Variants in MYO1H observed in about 807,000 individuals in gnomAD.
MYO1H encodes unconventional myosin-Ih.
A neutral mutation model predicts 149.3 loss-of-function variants in MYO1H; 118 were observed. The ratio of observed to expected loss-of-function variants is 0.79; its 90% CI spans 0.68 to 0.92. MYO1H has a LOEUF of 0.92. MYO1H is among the 40% of genes least tolerant of loss of function. The probability of loss-of-function intolerance (pLI) is 0.00; values close to 1 mark genes in which losing one functional copy is unlikely to be tolerated. For missense variants in MYO1H, 1,212 were observed against 1,280.7 expected (o/e 0.95, Z 0.82); for synonymous variants, 447 against 465.2 (o/e 0.96, Z 0.50).
the MYO1H span, among the ~76,000 whole-genome samples, chr12:109,314,502 C>G: frequency 1.3e-5 from 2 of 152,180 alleles, no homozygotes; most frequent in Non-Finnish European, 2.9e-5. Context: ...CAGGCTCTTT[C>G]AATAGGGTGA....
intron 1 of MYO1H, among the ~76,000 whole-genome samples, chr12:109,361,407 C>A (rs11066394): frequency 0.3 from 46,254 of 151,786 alleles, 7,304 homozygotes; most frequent in Admixed American, 0.41. Context: ...GAGGACTTAC[C>A]CCCCAAAAAA....
intron 15 of MYO1H, among the ~76,000 whole-genome samples, chr12:109,416,171 C>G (rs1870898839): frequency 1.3e-5 from 2 of 152,042 alleles, no homozygotes; most frequent in African/African-American, 4.8e-5. Context: ...TGAGGCCCAC[C>G]TCAGCCTCCC....
exon 5 of MYO1H, chr12:109,397,753 C>A: frequency 6.2e-7 from 1 of 1,612,238 alleles, no homozygotes. Context: ...TGCCAGAACG[C>A]TCCGGAATGA....
At chr12:109,415,201 G>A (rs143175053) in intron 14 of MYO1H, among the ~76,000 whole-genome samples, 2 of 152,238 alleles carry the variant, frequency 1.3e-5, no homozygotes, top group African/African-American at 4.8e-5. Flanking sequence ...CATGGGCCAG[G>A]CACGGTGGCT....
chr12:109,323,687 A>G, the MYO1H span, among the ~76,000 whole-genome samples: 2 of 152,208 alleles, frequency 1.3e-5, no homozygotes, highest in African/African-American at 4.8e-5. Context: ...TTGACAGTTC[A>G]GCATGCCTGG....
At chr12:109,388,318 G>A (rs1273235811) in intron 1 of MYO1H, among the ~76,000 whole-genome samples, 4 of 152,190 alleles carry the variant, frequency 2.6e-5, no homozygotes, top group Admixed American at 1.3e-4. Context: ...TTCTGGCTGC[G>A]TCTTTTGGCA....
At position 109,444,169 on chromosome 12, in the gene MYO1H, C is replaced by A; in HGVS notation, c.2825-44C>A. 2.7e-6 allele frequency: 4 copies of A among 1,462,598 alleles called. No individual in the cohort carries two copies. In the South Asian group the frequency reaches 4.6e-5, roughly 17 times the overall value. 90.6% of individuals were successfully genotyped at this position (1,462,598 alleles called of 1,614,324 possible). On this transcript the variant is annotated intron_variant, in intron 28 of 31. Coordinates refer to ENST00000310903, the Ensembl canonical transcript of MYO1H. ...ATCTCTTCTTCCTCTGTACTAATGT[C>A]AAGCTCTCTAGTTCTTGGCTCCTAA... is the stretch of plus-strand genomic sequence containing the variant.
the MYO1H span, among the ~76,000 whole-genome samples, chr12:109,342,359 G>A: frequency 6.6e-6 from 1 of 151,906 alleles, no homozygotes; most frequent in African/African-American, 2.4e-5. Flanking sequence ...TGTCCAGGCT[G>A]GTCTTGAACT....
Position 109,379,056 on chromosome 12 carries a change from G to A in MYO1H, c.13-9627G>A, listed in dbSNP as rs549973880. Among the ~76,000 whole-genome samples the A allele has an allele frequency of 9.9e-5, 15 of 152,266 alleles. No homozygotes were observed. In the South Asian group the frequency reaches 3.1e-3, roughly 32 times the overall value. On this transcript the variant is annotated intron_variant, in intron 1 of 31. Coordinates refer to ENST00000310903, the Ensembl canonical transcript of MYO1H. ...TAAACCTGTGCTCCCTGAGTACTAG[G>A]CACTGGTCACCTATGGCTATGTAAA...
chr12:109,312,706 C>T, the MYO1H span, among the ~76,000 whole-genome samples: 6 of 151,822 alleles, frequency 4.0e-5, no homozygotes, highest in African/African-American at 7.3e-5. Flanking sequence ...TGACCCTGAC[C>T]GCTGGCTTGG....
chr12:109,334,939 C>T, the MYO1H span, among the ~76,000 whole-genome samples: 1 of 152,210 alleles, frequency 6.6e-6, no homozygotes, highest in Non-Finnish European at 1.5e-5. Context: ...AGCAGTCTCT[C>T]CCTTTTCCCC....
intron 31 of MYO1H, chr12:109,445,988 G>C (rs1011303309): frequency 2.0e-6 from 2 of 985,302 alleles, no homozygotes; most frequent in Non-Finnish European, 2.4e-6. Context: ...CCCAGATACT[G>C]AGACTTAATT....
intron 1 of MYO1H, among the ~76,000 whole-genome samples, chr12:109,361,409 C>G (rs1868744821): frequency 6.6e-6 from 1 of 151,998 alleles, no homozygotes; most frequent in Non-Finnish European, 1.5e-5. Context: ...GGACTTACCC[C>G]CCAAAAAAAC....
At chr12:109,391,898 C>T (rs1323327784) in intron 2 of MYO1H, among the ~76,000 whole-genome samples, 1 of 152,078 alleles carries the variant, frequency 6.6e-6, no homozygotes, top group Non-Finnish European at 1.5e-5. Flanking sequence ...CCTTTGCCCA[C>T]TTTTTAATGG....
the MYO1H span, among the ~76,000 whole-genome samples, chr12:109,326,181 A>G: frequency 2.0e-5 from 3 of 152,212 alleles, no homozygotes; most frequent in Non-Finnish European, 1.5e-5. Context: ...GTGCCTGTCC[A>G]GGCATCCTCC....
chr12:109,417,053 C>T (rs1282242965), intron 15 of MYO1H, among the ~76,000 whole-genome samples: 1 of 151,590 alleles, frequency 6.6e-6, no homozygotes, highest in Non-Finnish European at 1.5e-5. Context: ...CGCCTGTAGT[C>T]CCAGCTACTT....
rs112830407 is a variant in MYO1H, at chr12:109,411,014, C to T, written c.1410+246C>T. Among the ~76,000 whole-genome samples the T allele has an allele frequency of 8.8e-3, 1,333 of 152,202 alleles. 16 individuals carry two copies. The highest frequency in any genetic ancestry group is 0.013 in the Non-Finnish European group (850 of 67,996). The stretch of plus-strand genomic sequence containing the variant: ...AAAATTAGCCGGGCATGATGGCATG[C>T]GCCTGTAGTCCCAGCTACTTGGGAG... On this transcript the variant is annotated intron_variant, in intron 13 of 31. Transcript: ENST00000310903.
At chr12:109,419,499 C>A (rs1405069643) in intron 15 of MYO1H, among the ~76,000 whole-genome samples, 2 of 151,974 alleles carry the variant, frequency 1.3e-5, no homozygotes, top group Non-Finnish European at 1.5e-5. Context: ...TGCTTCTATG[C>A]CACCATTTTT....
At chr12:109,387,560 C>A (rs1869401838) in intron 1 of MYO1H, among the ~76,000 whole-genome samples, 1 of 152,238 alleles carries the variant, frequency 6.6e-6, no homozygotes, top group Non-Finnish European at 1.5e-5. Context: ...CTAGAGGGCA[C>A]TGGAGGGACA....
Sources: gnomAD v4.1 joint callset for allele counts (sites outside exome capture counted in the v4.1 genomes callset) on GRCh38, gnomAD v4.1.1 for gene constraint, MANE v1.5 for transcripts, NCBI Gene and HGNC (gene_info 2026-07-23, HGNC 2026-07-21) for gene names.